Variants in SMCO3 observed in about 807,000 individuals in gnomAD.
SMCO3 encodes the protein single-pass membrane protein with coiled-coil domains 3, also known as single-pass membrane and coiled-coil domain-containing protein 3.
SMCO3 carries 6 observed loss-of-function variants against 12.0 expected under a neutral mutation model. The ratio of observed to expected loss-of-function variants is 0.50; its 90% CI spans 0.27 to 0.99. The LOEUF (loss-of-function observed/expected upper bound fraction) is 0.99, where lower values mean the gene tolerates loss of function less well. Ranked by LOEUF, SMCO3 falls within the 50% of genes least tolerant of loss-of-function variation. SMCO3 has a pLI of 0.11. For synonymous variants in SMCO3, 96 were observed against 96.4 expected, an observed-to-expected ratio of 1.00 and a Z score of 0.02; for missense variants, 279 against 265.0, an observed-to-expected ratio of 1.05 and a Z score of -0.37.
Position 14,805,938 on chromosome 12 carries a change from A to G in SMCO3, c.*65T>C. ...AGCCTATAGAAAATGAACCTAATCA[A>G]AGAAGCAAACACTGTTACTGAAAAG... On this transcript the variant is annotated 3_prime_UTR_variant, in exon 2 of 2. Coordinates refer to ENST00000316048, the MANE Select transcript of SMCO3 (RefSeq NM_001013698.2). 1 of 1,466,172 alleles carries G rather than the reference A, an allele frequency of 6.8e-7. No homozygotes were observed. The highest frequency in any genetic ancestry group is 9.2e-7 in the Non-Finnish European group (1 of 1,084,946). The allele number at this position is 1,466,172 out of a possible 1,614,324, so 90.8% of individuals were successfully genotyped here.
Position 14,806,584 on chromosome 12 carries a change from A to AGCT in SMCO3, c.94_96dup (p.Ser32dup). ...TCAGTCAGCTTATTGGTGACATCGA[A>AGCT]GCTGTCAGATAAGCAATCAAGAAGC... On this transcript the variant is annotated inframe_insertion, in exon 2 of 2. Transcript: ENST00000316048. The AGCT allele has an allele frequency of 6.2e-7, 1 of 1,614,174 alleles. No homozygotes were observed.
chr12:14,812,635 G>A (rs1950159081), intron 1 of SMCO3, among the ~76,000 whole-genome samples: 1 of 151,982 alleles, frequency 6.6e-6, no homozygotes, highest in African/African-American at 2.4e-5. Context: ...AGTGGCATAA[G>A]TAATGGGAAT....
chr12:14,810,738 A>G (rs775301384), intron 1 of SMCO3, among the ~76,000 whole-genome samples: 1 of 152,176 alleles, frequency 6.6e-6, no homozygotes, highest in Non-Finnish European at 1.5e-5. Context: ...GTATTCTTAG[A>G]TATGTGCTTG....
chr12:14,806,615 G>T lies in SMCO3; in HGVS notation c.66C>A (p.His22Gln). 2 of 1,613,750 alleles carry T rather than the reference G, an allele frequency of 1.2e-6. No individual in the cohort carries two copies. Among genetic ancestry groups the T allele is most frequent in the Non-Finnish European group, 1.7e-6 (2 of 1,179,932 alleles). ...PKRREEVNRL[H>Q]QQLLDCLSDS... ...CAGATAAGCAATCAAGAAGCTGCTG[G>T]TGAAGACGATTTACTTCTTCCCGCC... The change falls in exon 2 of 2, where the codon CAC (histidine) becomes CAA (glutamine). Residue 22 changes from histidine to glutamine, a missense_variant. His to Gln is a conservative substitution (Grantham distance 24, BLOSUM62 0). Transcript: ENST00000316048.
At chr12:14,813,294 G>T (rs1950168767) in intron 1 of SMCO3, among the ~76,000 whole-genome samples, 1 of 152,190 alleles carries the variant, frequency 6.6e-6, no homozygotes, top group African/African-American at 2.4e-5. Context: ...TCCAAACAGG[G>T]TTTTGCCATC....
At position 14,806,317 on chromosome 12, in the gene SMCO3, C is replaced by T; in HGVS notation, c.364G>A (p.Gly122Arg). 1.9e-6 allele frequency: 3 copies of T among 1,614,214 alleles called. No individual in the cohort carries two copies. Among genetic ancestry groups the T allele is most frequent in the Non-Finnish European group, 2.5e-6 (3 of 1,180,036 alleles). ...IVQKVISVIL[G>R]EATSAASAVA... ...GCACTGGCTGCAGATGTAGCTTCTCCCAGGATGACCGAAATAACCTTTTGC... is the reference window on the plus strand; with the variant it reads ...GCACTGGCTGCAGATGTAGCTTCTCTCAGGATGACCGAAATAACCTTTTGC... The change falls in exon 2 of 2, where the codon GGA becomes AGA. Residue 122 changes from glycine (G) to arginine (R), a missense_variant. Transcript: ENST00000316048.
At chr12:14,811,703 T>C (rs1482871244) in intron 1 of SMCO3, among the ~76,000 whole-genome samples, 1 of 152,266 alleles carries the variant, frequency 6.6e-6, no homozygotes, top group African/African-American at 2.4e-5. Flanking sequence ...ACAGTTGTTT[T>C]AGTTTTTCAG....
At chr12:14,811,943 G>A (rs954562324) in intron 1 of SMCO3, among the ~76,000 whole-genome samples, 2 of 152,142 alleles carry the variant, frequency 1.3e-5, no homozygotes, top group African/African-American at 2.4e-5. Context: ...TTGGTAAAAC[G>A]ATTTTTAAAT....
chr12:14,808,164 CAA>C (rs550952665), intron 1 of SMCO3, among the ~76,000 whole-genome samples: 3 of 133,134 alleles, frequency 2.3e-5, no homozygotes, highest in Non-Finnish European at 1.6e-5. Flanking sequence ...GACTTTGTCT[CAA>C]AAAAAAAAAA....
At chr12:14,811,463 T>A (rs1428610437) in intron 1 of SMCO3, among the ~76,000 whole-genome samples, 1 of 152,182 alleles carries the variant, frequency 6.6e-6, no homozygotes, top group African/African-American at 2.4e-5. Context: ...GACTTGTTAT[T>A]TTATTAAAAA....
chr12:14,811,714 A>G (rs1223883945), intron 1 of SMCO3, among the ~76,000 whole-genome samples: 1 of 152,240 alleles, frequency 6.6e-6, no homozygotes, highest in African/African-American at 2.4e-5. Flanking sequence ...AGTTTTTCAG[A>G]AAAGGAACTA....
intron 1 of SMCO3, among the ~76,000 whole-genome samples, 187 bp from the exon 2 acceptor site, chr12:14,806,883 G>A (rs746023320): frequency 2.6e-5 from 4 of 152,178 alleles, no homozygotes; most frequent in Admixed American, 6.5e-5. Flanking sequence ...CCAGGCTGGA[G>A]TGCAGTGGTG....
chr12:14,806,120 C>A lies in SMCO3; in HGVS notation c.561G>T (p.Gln187His). ...CATAACTTTTGATGGCTGCTTGAAG[C>A]TGTGTTTTTTCCACTGCTCCCAGGA... is the stretch of plus-strand genomic sequence containing the variant. The part of the protein sequence containing the change: ...RAILGAVEKT[Q>H]LQAAIKSYEK... Residue 187 changes from glutamine to histidine, a missense_variant, in exon 2 of 2, where the codon CAG becomes CAT. Physicochemically the swap from Gln to His is conservative, Grantham distance 24. Transcript: ENST00000316048. 6.2e-7 allele frequency: 1 copy of A among 1,614,118 alleles called. No homozygotes were observed. Among genetic ancestry groups the A allele is most frequent in the Non-Finnish European group, 8.5e-7 (1 of 1,180,014 alleles).
Position 14,804,891 on chromosome 12 carries a change from T to C in SMCO3, c.*1112A>G, listed in dbSNP as rs1950024410. On this transcript the variant is annotated 3_prime_UTR_variant, in exon 2 of 2. Coordinates refer to ENST00000316048, the MANE Select transcript of SMCO3 (RefSeq NM_001013698.2). ...CTTGTACTTGGATGGGAGAATCAACTATAACAAACACAGTCTGGCATCAAC... is the reference window on the plus strand; with the variant it reads ...CTTGTACTTGGATGGGAGAATCAACCATAACAAACACAGTCTGGCATCAAC... The C allele has an allele frequency of 6.6e-6, 1 of 152,242 alleles. No individual in the cohort carries two copies. Among genetic ancestry groups the C allele is most frequent in the Non-Finnish European group, 1.5e-5 (1 of 68,038 alleles). 9.4% of individuals were successfully genotyped at this position (152,242 alleles called of 1,614,324 possible).
chr12:14,811,074 C>T (rs990385162), intron 1 of SMCO3, among the ~76,000 whole-genome samples: 8 of 152,188 alleles, frequency 5.3e-5, no homozygotes, highest in Non-Finnish European at 1.0e-4. Flanking sequence ...TATATTTAAT[C>T]CAGCTCTAAT....
chr12:14,813,347 G>A (rs1385386948), intron 1 of SMCO3, among the ~76,000 whole-genome samples: 1 of 152,152 alleles, frequency 6.6e-6, no homozygotes, highest in Non-Finnish European at 1.5e-5. Context: ...TAGGGTATAG[G>A]TAAAATCAGG....
intron 1 of SMCO3, among the ~76,000 whole-genome samples, chr12:14,808,452 G>A (rs1362159455): frequency 6.6e-6 from 1 of 152,016 alleles, no homozygotes; most frequent in Non-Finnish European, 1.5e-5. Flanking sequence ...ATCTGGCACA[G>A]CCTCTTTTTG....
chr12:14,806,185 C>T lies in SMCO3; in HGVS notation c.496G>A (p.Ala166Thr), dbSNP rs1470645269. 1.2e-6 allele frequency: 2 copies of T among 1,614,130 alleles called. No individual in the cohort carries two copies. Among genetic ancestry groups the T allele is most frequent in the Non-Finnish European group, 1.7e-6 (2 of 1,180,034 alleles). The change falls in exon 2 of 2, where the codon GCT becomes ACT. Residue 166 changes from alanine (A) to threonine (T), a missense_variant. By Grantham distance (58) the Ala-to-Thr change is moderately conservative. Transcript: ENST00000316048. ...GASLLGSIGV[A>T]VLGLGIDMIV... Reference sequence around the variant, plus strand: ...ATATCTATGCCAAGGCCAAGAACAGCAACTCCAATACTACCAAGGAGAGAA... The same window carrying T: ...ATATCTATGCCAAGGCCAAGAACAGTAACTCCAATACTACCAAGGAGAGAA...
At chr12:14,812,932 G>A (rs182677337) in intron 1 of SMCO3, among the ~76,000 whole-genome samples, 2 of 152,078 alleles carry the variant, frequency 1.3e-5, no homozygotes, top group African/African-American at 4.8e-5. Flanking sequence ...GGAAGAGTAA[G>A]GTTAAATTTC....
Sources: gnomAD v4.1 joint callset for allele counts (sites outside exome capture counted in the v4.1 genomes callset) on GRCh38, gnomAD v4.1.1 for gene constraint, MANE v1.5 for transcripts, NCBI Gene and HGNC (gene_info 2026-07-23, HGNC 2026-07-21) for gene names.